Variants in CNTNAP2 observed in about 807,000 individuals in gnomAD.
CNTNAP2 encodes the protein contactin associated protein 2, also known as contactin-associated protein-like 2.
In CNTNAP2, 98 loss-of-function variants were observed where a neutral mutation model predicts 155.2. The observed-to-expected ratio is 0.63, with a 90% CI of 0.54 to 0.75. The LOEUF is 0.75. Among genes scored for constraint, CNTNAP2 ranks in the 30% least tolerant of loss-of-function variants. The pLI, the probability that CNTNAP2 is intolerant of heterozygous loss-of-function variation, is 0.00. For synonymous variants in CNTNAP2, 651 were observed against 631.2 expected, an observed-to-expected ratio of 1.03 and a Z score of -0.47; for missense variants, 1,727 against 1,688.1, an observed-to-expected ratio of 1.02 and a Z score of -0.40.
intron 1 of CNTNAP2, among the ~76,000 whole-genome samples, chr7:146,762,183 T>C (rs1802113456): frequency 1.3e-5 from 2 of 152,154 alleles, no homozygotes; most frequent in African/African-American, 4.8e-5. Context: ...AATAGAATCA[T>C]GTCTAGATAG....
At position 146,314,294 on chromosome 7, in the gene CNTNAP2, T is replaced by C. The variant is rs1800873942; in HGVS notation, c.97+197321T>C. 2.0e-5 allele frequency among the ~76,000 whole-genome samples: 3 copies of C among 152,194 alleles called. No individual in the cohort carries two copies. In the South Asian group the frequency reaches 6.2e-4, roughly 31 times the overall value. On this transcript the variant is annotated intron_variant, in intron 1 of 23. Coordinates refer to ENST00000361727, the MANE Select transcript of CNTNAP2 (RefSeq NM_014141.6). ...TTTGTGTTTGTCCAGCCTGCTGTCT[T>C]TGTTCTTAGTGGCCCCAATACATGG...
chr7:148,049,059 A>G (rs1400154686), intron 15 of CNTNAP2, among the ~76,000 whole-genome samples: 1 of 151,888 alleles, frequency 6.6e-6, no homozygotes. Flanking sequence ...TAAAAATACA[A>G]AAAAAATTAG....
chr7:146,525,173 T>A (rs1402571442), intron 1 of CNTNAP2, among the ~76,000 whole-genome samples: 1 of 152,132 alleles, frequency 6.6e-6, no homozygotes, highest in Non-Finnish European at 1.5e-5. Context: ...ATTGAATTGT[T>A]TGGGCCCTGG....
intron 17 of CNTNAP2, among the ~76,000 whole-genome samples, chr7:148,163,903 C>T (rs1041785238): frequency 6.6e-6 from 1 of 152,176 alleles, no homozygotes; most frequent in Non-Finnish European, 1.5e-5. Flanking sequence ...ATATTTTACA[C>T]ACCTGCACTG....
At chr7:146,817,797 C>A (rs1803202622) in intron 2 of CNTNAP2, among the ~76,000 whole-genome samples, 1 of 152,134 alleles carries the variant, frequency 6.6e-6, no homozygotes, top group African/African-American at 2.4e-5. Context: ...ATCCAATCAC[C>A]TCTCACCAGG....
intron 9 of CNTNAP2, among the ~76,000 whole-genome samples, chr7:147,383,520 A>C (rs994037200): frequency 6.6e-6 from 1 of 152,164 alleles, no homozygotes; most frequent in African/African-American, 2.4e-5. Context: ...TATAGTAGGA[A>C]CAGAAACCCA....
intron 14 of CNTNAP2, among the ~76,000 whole-genome samples, chr7:147,931,641 T>C (rs1800505524): frequency 6.6e-6 from 1 of 152,126 alleles, no homozygotes; most frequent in African/African-American, 2.4e-5. Context: ...AATCAATTAA[T>C]GTGCTGCACT....
At chr7:147,937,741 C>T (rs144664178) in intron 14 of CNTNAP2, among the ~76,000 whole-genome samples, 5 of 152,170 alleles carry the variant, frequency 3.3e-5, no homozygotes, top group Admixed American at 2.0e-4. Context: ...AAAAAGCAAT[C>T]TTTCTCTCAT....
At chr7:147,422,230 A>G (rs962754649) in intron 10 of CNTNAP2, among the ~76,000 whole-genome samples, 3 of 148,700 alleles carry the variant, frequency 2.0e-5, no homozygotes, top group African/African-American at 7.4e-5. Flanking sequence ...CTGTATATAT[A>G]GTGTGTATAT....
At chr7:146,674,531 C>A (rs1800363554) in intron 1 of CNTNAP2, among the ~76,000 whole-genome samples, 2 of 151,720 alleles carry the variant, frequency 1.3e-5, no homozygotes, top group Admixed American at 1.3e-4. Flanking sequence ...AAGCATTTTT[C>A]TTCCTTCTTA....
chr7:146,902,806 G>A (rs560391572), intron 3 of CNTNAP2, among the ~76,000 whole-genome samples: 5 of 152,214 alleles, frequency 3.3e-5, no homozygotes, highest in Non-Finnish European at 2.9e-5. Flanking sequence ...TGCCATTGCA[G>A]CCTCAGGGCA....
chr7:146,951,719 A>C (rs10241973), intron 3 of CNTNAP2, among the ~76,000 whole-genome samples: 4,278 of 152,216 alleles, frequency 0.028, 199 homozygotes, highest in African/African-American at 0.096. Context: ...ATTTGAAGTC[A>C]GGTAGTGTGA....
At chr7:146,579,738 A>C (rs1798581836) in intron 1 of CNTNAP2, among the ~76,000 whole-genome samples, 1 of 152,128 alleles carries the variant, frequency 6.6e-6, no homozygotes, top group African/African-American at 2.4e-5. Flanking sequence ...AATCTAACAA[A>C]CAACCAAAAA....
intron 8 of CNTNAP2, among the ~76,000 whole-genome samples, chr7:147,160,391 G>T (rs563427305): frequency 3.9e-4 from 59 of 152,188 alleles, no homozygotes; most frequent in African/African-American, 1.3e-3. Flanking sequence ...TAATAATGTT[G>T]CTGGGAGTTT....
chr7:146,971,085 T>G (rs200250081), intron 3 of CNTNAP2, among the ~76,000 whole-genome samples: 2 of 151,990 alleles, frequency 1.3e-5, no homozygotes, highest in Admixed American at 6.6e-5. Context: ...GAGGGATAGC[T>G]TTAGGAGATA....
At chr7:146,786,106 A>G (rs1054694950) in intron 2 of CNTNAP2, among the ~76,000 whole-genome samples, 2 of 152,204 alleles carry the variant, frequency 1.3e-5, no homozygotes, top group African/African-American at 4.8e-5. Context: ...AGTTTAGGCC[A>G]TAAAAAAACT....
intron 13 of CNTNAP2, among the ~76,000 whole-genome samples, chr7:147,713,467 A>G (rs1240553744): frequency 1.3e-5 from 2 of 152,102 alleles, no homozygotes; most frequent in Non-Finnish European, 1.5e-5. Flanking sequence ...TTCATGTTTT[A>G]TGTATCAGTA....
chr7:147,068,686 A>G (rs1277852759), intron 4 of CNTNAP2, among the ~76,000 whole-genome samples: 1 of 152,204 alleles, frequency 6.6e-6, no homozygotes, highest in Non-Finnish European at 1.5e-5. Flanking sequence ...TACTTTAAGT[A>G]AAGGAGGCTA....
At chr7:147,387,055 G>A (rs1360181789) in intron 9 of CNTNAP2, among the ~76,000 whole-genome samples, 4 of 152,056 alleles carry the variant, frequency 2.6e-5, no homozygotes, top group South Asian at 2.1e-4. Context: ...CTCGTGAGAC[G>A]TATTCACCAT....
Sources: gnomAD v4.1 joint callset for allele counts (sites outside exome capture counted in the v4.1 genomes callset) on GRCh38, gnomAD v4.1.1 for gene constraint, MANE v1.5 for transcripts, NCBI Gene and HGNC (gene_info 2026-07-23, HGNC 2026-07-21) for gene names.